The following FCRLB variants were observed in gnomAD, a reference collection of about 807,000 sequenced individuals.
FCRLB encodes Fc receptor-like B.
A neutral mutation model predicts 33.6 loss-of-function variants in FCRLB; 34 were observed. That is an observed-to-expected ratio of 1.01 (90% confidence interval 0.77 to 1.35). FCRLB has a LOEUF of 1.35. Among genes scored for constraint, FCRLB ranks in the 40% most tolerant of loss-of-function variants. The pLI, the probability that FCRLB is intolerant of heterozygous loss-of-function variation, is 0.00. For synonymous variants in FCRLB, 280 were observed against 255.9 expected, an observed-to-expected ratio of 1.09 and a Z score of -0.90; for missense variants, 560 against 580.2, an observed-to-expected ratio of 0.97 and a Z score of 0.36.
At chr1:161,723,616 C>T in exon 5 of FCRLB, 1 of 1,613,752 alleles carries the variant, frequency 6.2e-7, no homozygotes, top group Non-Finnish European at 8.5e-7. Context: ...CTCTCTGTAT[C>T]CAATGGTGAG....
exon 8 of FCRLB, chr1:161,727,509 A>T: frequency 6.2e-7 from 1 of 1,614,128 alleles, no homozygotes; most frequent in Non-Finnish European, 8.5e-7. Flanking sequence ...TTCTGCTCCG[A>T]GAAATGCAGC....
exon 8 of FCRLB, chr1:161,727,524 C>G (rs201828972): frequency 1.7e-5 from 27 of 1,614,160 alleles, no homozygotes; most frequent in Admixed American, 5.0e-5. Flanking sequence ...TGCAGCTGCT[C>G]AAAGGCCTTC....
Position 161,723,500 on chromosome 1 carries a change from T to G in FCRLB, c.186T>G (p.Tyr62Ter), listed in dbSNP as rs752603524. Residue 62 changes from tyrosine to a stop codon, truncating the protein, a stop_gained, in exon 5 of 8, where the codon TAT becomes TAG. Coordinates refer to ENST00000367948, the Ensembl canonical transcript of FCRLB. LOFTEE classifies it high-confidence loss of function. Reference sequence around the variant, plus strand: ...TCCAGCCCATCAGCACTCTCTGGTATTTGGGCCACCTACTTCTGCCCTCTC... The same window carrying G: ...TCCAGCCCATCAGCACTCTCTGGTAGTTGGGCCACCTACTTCTGCCCTCTC... 8.1e-6 allele frequency: 13 copies of G among 1,614,152 alleles called. No individual in the cohort carries two copies. The South Asian group carries it at 1.4e-4, about 18-fold the overall frequency.
chr1:161,725,829 A>G (rs1488775736), exon 6 of FCRLB: 1 of 1,606,982 alleles, frequency 6.2e-7, no homozygotes. Flanking sequence ...AGATTGGCTG[A>G]TTCTGCAAGT....
intron 2 of FCRLB, among the ~76,000 whole-genome samples, chr1:161,722,264 C>T (rs1413322671): frequency 6.6e-6 from 1 of 152,150 alleles, no homozygotes; most frequent in Admixed American, 6.5e-5. Flanking sequence ...CTCAGCTGAG[C>T]CTTGCAGGGC....
chr1:161,727,169 C>T (rs1571084980), intron 7 of FCRLB, 78 bp from the exon 8 acceptor site: 3 of 1,445,514 alleles, frequency 2.1e-6, no homozygotes, highest in East Asian at 4.8e-5. Flanking sequence ...CCCCGCCCAC[C>T]GCCCTACGCC....
rs1683443348 is a variant in FCRLB at position 161,723,525 on chromosome 1, CA to C, written c.212del (p.His71ProfsTer35). 1 of 1,614,096 alleles carries C rather than the reference CA, an allele frequency of 6.2e-7. No homozygotes were observed. Among genetic ancestry groups the C allele is most frequent in the Non-Finnish European group, 8.5e-7 (1 of 1,180,054 alleles). ...TTTGGGCCACCTACTTCTGCCCTCT[CA>C]CAAGAAGAGCATTGAGGTGCAGACA... On this transcript the variant is annotated frameshift_variant, in exon 5 of 8. Coordinates refer to ENST00000367948, the Ensembl canonical transcript of FCRLB. LOFTEE classifies it high-confidence loss of function.
At chr1:161,724,918 A>G (rs1683489701) in intron 5 of FCRLB, among the ~76,000 whole-genome samples, 1 of 152,166 alleles carries the variant, frequency 6.6e-6, no homozygotes, top group African/African-American at 2.4e-5. Flanking sequence ...GTCTAAGCCT[A>G]GACATGCAGG....
chr1:161,725,731 A>G (rs1683518581), intron 5 of FCRLB, 90 bp from the exon 6 acceptor site: 1 of 1,461,456 alleles, frequency 6.8e-7, no homozygotes, highest in African/African-American at 1.4e-5. Context: ...GAGAGGAGTT[A>G]AGAGGAGAAA....
At position 161,726,021 on chromosome 1, in the gene FCRLB, G is replaced by A. The variant is rs1381010637; in HGVS notation, c.508G>A (p.Gly170Ser). The A allele has an allele frequency of 1.2e-6, 2 of 1,613,986 alleles. No individual in the cohort carries two copies. Among genetic ancestry groups the A allele is most frequent in the Non-Finnish European group, 8.5e-7 (1 of 1,179,888 alleles). ...CGACAGCGGGCGCTACCAGTGCTCG[G>A]GCACCATGCGCATCCCGGTGGAGAG... Residue 170 changes from glycine (G) to serine (S), a missense_variant, in exon 6 of 8, where the codon GGC becomes AGC. Coordinates refer to ENST00000367948, the Ensembl canonical transcript of FCRLB. The surrounding 1 kb of genome is among the most constrained non-coding windows in gnomAD (Gnocchi z 5.2).
chr1:161,727,267 T>A (rs1557934644), exon 8 of FCRLB: 2 of 1,606,186 alleles, frequency 1.2e-6, no homozygotes, highest in Non-Finnish European at 8.5e-7. Flanking sequence ...GGACCCGGCC[T>A]CCACCACCGC....
intron 7 of FCRLB, 95 bp from the exon 8 acceptor site, chr1:161,727,152 T>TA: frequency 7.4e-7 from 1 of 1,354,966 alleles, no homozygotes; most frequent in Non-Finnish European, 9.7e-7. Context: ...CTTCCGGCCT[T>TA]CCCCATCCCC....
exon 6 of FCRLB, chr1:161,725,916 C>T (rs1683537497): frequency 1.2e-6 from 2 of 1,614,262 alleles, no homozygotes; most frequent in East Asian, 2.2e-5. Context: ...GGTCTACAAG[C>T]TTCACTACTA....
chr1:161,726,761 G>C lies in FCRLB; in HGVS notation c.633G>C (p.Ala211=), dbSNP rs1432459499. The C allele has an allele frequency of 1.9e-6, 3 of 1,585,460 alleles. No homozygotes were observed. Among genetic ancestry groups the C allele is most frequent in the Non-Finnish European group, 2.6e-6 (3 of 1,169,386 alleles). Residue 211 remains alanine, a synonymous_variant, in exon 7 of 8, where the codon GCG becomes GCC. Transcript: ENST00000367948. This position sits in a 1 kb window ranked among gnomAD's most constrained non-coding sequence, Gnocchi z 5.2. ...GTCCGCGGGAGGCCCGCGGCGCGGCGCTGGGTGGGGTGGTGCTGCGCTGCG... is the reference window on the plus strand; with the variant it reads ...GTCCGCGGGAGGCCCGCGGCGCGGCCCTGGGTGGGGTGGTGCTGCGCTGCG...
Position 161,727,625 on chromosome 1 carries a change from G to C in FCRLB, c.1244G>C (p.Ser415Thr). 4 of 1,613,812 alleles carry C rather than the reference G, an allele frequency of 2.5e-6. 1 individual carries two copies. In the South Asian group the frequency reaches 4.4e-5, roughly 18 times the overall value. Reference sequence around the variant, plus strand: ...ACCCCCACCTCTCACTTTGCTGTGAGCCCGGGAACCCCAGAGACCACTCCT... The same window carrying C: ...ACCCCCACCTCTCACTTTGCTGTGACCCCGGGAACCCCAGAGACCACTCCT... Residue 415 changes from serine (S) to threonine (T), a missense_variant, in exon 8 of 8, where the codon AGC becomes ACC. Physicochemically the swap from Ser to Thr is moderately conservative, Grantham distance 58 (BLOSUM62 1). Transcript: ENST00000367948.
Position 161,726,228 on chromosome 1 carries a change from C to T in FCRLB, c.574+141C>T. 1 of 1,385,490 alleles carries T rather than the reference C, an allele frequency of 7.2e-7. No individual in the cohort carries two copies. Among genetic ancestry groups the T allele is most frequent in the Non-Finnish European group, 1.0e-6 (1 of 1,000,414 alleles). 85.8% of individuals were successfully genotyped at this position (1,385,490 alleles called of 1,614,324 possible). A position where few individuals can be genotyped will look rare whatever the true frequency, so the allele number is the denominator to read the frequency against. The stretch of plus-strand genomic sequence containing the variant: ...TCTCTTAGACTATGGACGCTGTCTC[C>T]TCTCCTTTGCCGTGAAGCAGCGCTT... On this transcript the variant is annotated intron_variant, in intron 6 of 7. Transcript: ENST00000367948. This position sits in a 1 kb window ranked among gnomAD's most constrained non-coding sequence, Gnocchi z 5.2.
At chr1:161,722,862 G>C in intron 3 of FCRLB, 127 bp from the exon 4 acceptor site, 1 of 1,503,480 alleles carries the variant, frequency 6.7e-7, no homozygotes, top group Middle Eastern at 1.8e-4. Flanking sequence ...CAGAGCTTGG[G>C]AAACCAGGGG....
Position 161,726,596 on chromosome 1 carries a change from C to G in FCRLB, c.575-107C>G. ...ACGTGGACACACGGCCTCCTCCCCT[C>G]CCCCCTTGGTCTGTGGGTCTGCAAG... On this transcript the variant is annotated intron_variant, in intron 6 of 7. Coordinates refer to ENST00000367948, the Ensembl canonical transcript of FCRLB. The surrounding 1 kb of genome is among the most constrained non-coding windows in gnomAD (Gnocchi z 5.2). The G allele has an allele frequency of 6.9e-7, 1 of 1,449,172 alleles. No homozygotes were observed. Among genetic ancestry groups the G allele is most frequent in the African/African-American group, 1.4e-5 (1 of 71,514 alleles). 89.8% of individuals were successfully genotyped at this position (1,449,172 alleles called of 1,614,324 possible).
Position 161,726,783 on chromosome 1 carries a change from T to G in FCRLB, c.655T>G (p.Cys219Gly). The change falls in exon 7 of 8, where the codon TGC becomes GGC. Residue 219 changes from cysteine (C) to glycine (G), a missense_variant. Transcript: ENST00000367948. The surrounding 1 kb of genome is among the most constrained non-coding windows in gnomAD (Gnocchi z 5.2). ...GGCGCTGGGTGGGGTGGTGCTGCGC[T>G]GCGACACGCGCCTGCACCCGCAGAA... is the stretch of plus-strand genomic sequence containing the variant. The G allele has an allele frequency of 6.4e-7, 1 of 1,572,388 alleles. No homozygotes were observed. The highest frequency in any genetic ancestry group is 8.6e-7 in the Non-Finnish European group (1 of 1,162,140).
Sources: gnomAD v4.1 joint callset for allele counts (sites outside exome capture counted in the v4.1 genomes callset) on GRCh38, gnomAD v4.1.1 for gene constraint, Gnocchi (gnomAD v3.1) non-coding constraint, MANE v1.5 for transcripts, NCBI Gene and HGNC (gene_info 2026-07-23, HGNC 2026-07-21) for gene names.